PHF20: variants seen among roughly 807,000 people sequenced by gnomAD.
PHF20 encodes glioma-expressed antigen 2.
Under a neutral mutation model 113.5 loss-of-function variants are expected in PHF20, and 23 were observed. That is an observed-to-expected ratio of 0.20 (90% CI 0.15 to 0.29). The LOEUF (loss-of-function observed/expected upper bound fraction) is 0.29, where lower values mean the gene tolerates loss of function less well. PHF20 is among the 10% of genes least tolerant of loss of function. The probability of loss-of-function intolerance (pLI) is 1.00; values close to 1 mark genes in which losing one functional copy is unlikely to be tolerated. For synonymous variants in PHF20, 434 were observed against 457.3 expected (o/e 0.95, Z 0.65); for missense variants, 943 against 1,219.6 (o/e 0.77, Z 3.38).
At chr20:35,801,211 A>C (rs770997624) in intron 1 of PHF20, among the ~76,000 whole-genome samples, 4 of 152,186 alleles carry the variant, frequency 2.6e-5, no homozygotes, top group Non-Finnish European at 4.4e-5. Context: ...CTGTGAAAGC[A>C]GTTGTTTTTT....
At chr20:35,923,009 G>A (rs1024988863) in intron 13 of PHF20, among the ~76,000 whole-genome samples, 2 of 152,190 alleles carry the variant, frequency 1.3e-5, no homozygotes, top group African/African-American at 4.8e-5. Flanking sequence ...CAGCTTCTCA[G>A]GAGGCTGAGG....
intron 1 of PHF20, among the ~76,000 whole-genome samples, chr20:35,777,190 G>A (rs73902908): frequency 6.6e-6 from 1 of 152,208 alleles, no homozygotes; most frequent in African/African-American, 2.4e-5. Flanking sequence ...CCAAGAAGGA[G>A]TCTGTACCTT....
chr20:35,914,239 T>C, intron 12 of PHF20, 42 bp downstream of exon 12: 1 of 1,587,374 alleles, frequency 6.3e-7, no homozygotes. Flanking sequence ...TGATCATTTA[T>C]TGGAAAATAC....
At chr20:35,780,646 A>G (rs1418538358) in intron 1 of PHF20, among the ~76,000 whole-genome samples, 1 of 149,662 alleles carries the variant, frequency 6.7e-6, no homozygotes, top group East Asian at 2.0e-4. Flanking sequence ...TCCCGGGTTC[A>G]AGTGATTCTC....
chr20:35,791,918 T>A (rs1041062888), intron 1 of PHF20, among the ~76,000 whole-genome samples: 2 of 152,032 alleles, frequency 1.3e-5, no homozygotes, highest in African/African-American at 4.8e-5. Context: ...CTTGTAAGGG[T>A]AAGATGATTA....
intron 1 of PHF20, among the ~76,000 whole-genome samples, chr20:35,797,063 C>A (rs2041680240): frequency 6.6e-6 from 1 of 151,968 alleles, no homozygotes; most frequent in Non-Finnish European, 1.5e-5. Context: ...GTTGCCCAGG[C>A]TGGTCTTGAA....
chr20:35,925,010 GAAATGCCACCTTTATTTACTTCATTTCT>G (rs2055599000), intron 13 of PHF20, among the ~76,000 whole-genome samples: 1 of 152,084 alleles, frequency 6.6e-6, no homozygotes, highest in East Asian at 1.9e-4. Flanking sequence ...CTCACTGTTT[GAAATGCCACCTTTATTTACTTCATTTCT>G]AAATGCATTT....
chr20:35,828,229 A>G (rs1170735556), intron 2 of PHF20, among the ~76,000 whole-genome samples: 1 of 152,008 alleles, frequency 6.6e-6, no homozygotes, highest in Non-Finnish European at 1.5e-5. Flanking sequence ...TCTCCATTTT[A>G]GTCAGGCTGG....
intron 2 of PHF20, among the ~76,000 whole-genome samples, chr20:35,830,392 A>G (rs1039436834): frequency 2.0e-5 from 3 of 152,230 alleles, no homozygotes; most frequent in South Asian, 2.1e-4. Context: ...TTCACTTAGC[A>G]TAAGTCCTCA....
chr20:35,849,365 G>A lies in PHF20; in HGVS notation c.340+1931G>A, dbSNP rs547191735. 1.4e-3 allele frequency: 660 copies of A among 464,122 alleles called. 1 individual carries two copies. The highest frequency in any genetic ancestry group is 2.0e-3 in the Non-Finnish European group (455 of 224,242). The allele number at this position is 464,122 out of a possible 1,614,324, so 28.8% of individuals were successfully genotyped here. ...ACTGTTTAGATCTAATACCTGCAGAGCCCAGAGCTTGGCATCATGAAGTAA... is the reference window on the plus strand; with the variant it reads ...ACTGTTTAGATCTAATACCTGCAGAACCCAGAGCTTGGCATCATGAAGTAA... On this transcript the variant is annotated intron_variant, in intron 4 of 17. Coordinates refer to ENST00000374012, the MANE Select transcript of PHF20 (RefSeq NM_016436.5).
intron 2 of PHF20, among the ~76,000 whole-genome samples, chr20:35,819,255 G>A (rs566454500): frequency 3.9e-5 from 6 of 152,164 alleles, no homozygotes; most frequent in Middle Eastern, 3.4e-3. Flanking sequence ...TGCTTCCTGC[G>A]TTTTATAGAT....
At chr20:35,798,112 T>C (rs74763238) in intron 1 of PHF20, among the ~76,000 whole-genome samples, 7,278 of 152,268 alleles carry the variant, frequency 0.048, 216 homozygotes, top group African/African-American at 0.089. Context: ...TTTCTTCCTG[T>C]CTTTACAAAA....
intron 6 of PHF20, among the ~76,000 whole-genome samples, chr20:35,864,098 C>A (rs1248597264): frequency 6.6e-6 from 1 of 152,058 alleles, no homozygotes; most frequent in Non-Finnish European, 1.5e-5. Flanking sequence ...ATGAAGAGGC[C>A]CCCCCGGTTC....
chr20:35,813,959 G>GAAAAAAAAAAAAAA (rs2042022207), intron 2 of PHF20, among the ~76,000 whole-genome samples: 6 of 136,168 alleles, frequency 4.4e-5, no homozygotes, highest in South Asian at 2.3e-4. Context: ...AAAAAAAAAG[G>GAAAAAAAAAAAAAA]AAATTGACCT....
chr20:35,906,335 A>C (rs1265923820), intron 10 of PHF20, among the ~76,000 whole-genome samples: 1 of 152,244 alleles, frequency 6.6e-6, no homozygotes, highest in Admixed American at 6.5e-5. Flanking sequence ...AGAGAACAAC[A>C]TAGCTGGCTA....
intron 2 of PHF20, among the ~76,000 whole-genome samples, chr20:35,827,971 A>G (rs1033361801): frequency 2.6e-5 from 4 of 152,054 alleles, no homozygotes; most frequent in African/African-American, 9.7e-5. Context: ...ACCTTAGATA[A>G]AGATAGTTTA....
chr20:35,840,686 C>G (rs2042521306), intron 2 of PHF20, among the ~76,000 whole-genome samples: 2 of 152,134 alleles, frequency 1.3e-5, no homozygotes, highest in African/African-American at 2.4e-5. Flanking sequence ...CATCTGGGAG[C>G]TTGTGAGAGC....
intron 9 of PHF20, chr20:35,887,807 TAAAAAAA>T (rs774278547): frequency 3.8e-5 from 4 of 105,270 alleles, no homozygotes; most frequent in Non-Finnish European, 8.1e-5. Flanking sequence ...AAGACTGAAT[TAAAAAAA>T]AAAAAAAAAA....
intron 14 of PHF20, 35 bp downstream of exon 14, chr20:35,927,914 G>C: frequency 7.0e-7 from 1 of 1,438,010 alleles, no homozygotes; most frequent in Non-Finnish European, 9.8e-7. Flanking sequence ...ATAACAGTAT[G>C]TAGCCTTTTC....
Sources: allele counts gnomAD v4.1 joint callset (sites outside exome capture counted in the v4.1 genomes callset), GRCh38; gene constraint gnomAD v4.1.1; transcripts MANE v1.5; gene names NCBI Gene and HGNC (gene_info 2026-07-23, HGNC 2026-07-21).